SDHC: variants seen among roughly 807,000 people sequenced by gnomAD.
SDHC encodes the protein succinate dehydrogenase complex subunit C.
Under a neutral mutation model 22.6 loss-of-function variants are expected in SDHC, and 11 were observed. That is an observed-to-expected ratio of 0.49 (90% CI 0.31 to 0.81). The LOEUF (loss-of-function observed/expected upper bound fraction) is 0.81, where lower values mean the gene tolerates loss of function less well. SDHC is among the 30% of genes least tolerant of loss of function. SDHC has a pLI of 0.05. For missense variants in SDHC, 160 were observed against 212.0 expected (o/e 0.75, Z 1.52); for synonymous variants, 80 against 77.8 (o/e 1.03, Z -0.15).
At chr1:161,325,689 C>G (rs1304375908) in intron 2 of SDHC, among the ~76,000 whole-genome samples, 1 of 152,148 alleles carries the variant, frequency 6.6e-6, no homozygotes, top group Non-Finnish European at 1.5e-5. Context: ...AACCAAGAAA[C>G]TACTGAGGTA....
intron 4 of SDHC, among the ~76,000 whole-genome samples, chr1:161,347,596 G>A (rs1333787141): frequency 1.3e-5 from 2 of 151,464 alleles, no homozygotes; most frequent in Admixed American, 6.6e-5. Flanking sequence ...GGCCAGGCGC[G>A]GTGGCTCACA....
At chr1:161,320,235 G>A (rs1384901503) in intron 1 of SDHC, among the ~76,000 whole-genome samples, 1 of 152,054 alleles carries the variant, frequency 6.6e-6, no homozygotes, top group Non-Finnish European at 1.5e-5. Context: ...GGGGGGTGGT[G>A]AAAGAAAAGA....
chr1:161,346,271 G>A (rs1313894252), intron 4 of SDHC, among the ~76,000 whole-genome samples: 2 of 152,102 alleles, frequency 1.3e-5, no homozygotes, highest in Non-Finnish European at 2.9e-5. Flanking sequence ...ACTTAGAAGT[G>A]TTCATTTTTC....
rs760572684 is a variant in SDHC, at chr1:161,340,611, C to T, written c.197C>T (p.Ala66Val). 44 of 1,613,702 alleles carry T rather than the reference C, an allele frequency of 2.7e-5. No homozygotes were observed. The highest frequency in any genetic ancestry group is 1.6e-4 in the Middle Eastern group (1 of 6,084). ...ITIYSWSLPM[A>V]MSICHRGTGI... ...CTTTACAGTTGGTCTCTTCCCATGGCGATGTCCATCTGCCACCGTGGCACT... is the reference window on the plus strand; with the variant it reads ...CTTTACAGTTGGTCTCTTCCCATGGTGATGTCCATCTGCCACCGTGGCACT... Residue 66 changes from alanine (A) to valine (V), a missense_variant, in exon 4 of 6, where the codon GCG becomes GTG. Around this residue, in one of 2 missense-constraint regions of SDHC, gnomAD observed 74 missense variants for 128.6 expected, o/e 0.58. Transcript: ENST00000367975.
intron 1 of SDHC, among the ~76,000 whole-genome samples, chr1:161,315,739 G>C (rs957897103): frequency 1.1e-4 from 17 of 152,206 alleles, no homozygotes; most frequent in African/African-American, 3.9e-4. Context: ...CACACCTGTG[G>C]GTGTTTCTCG....
intron 2 of SDHC, 31 bp from the exon 3 acceptor site, chr1:161,328,365 G>C (rs1190827144): frequency 6.6e-7 from 1 of 1,510,748 alleles, no homozygotes; most frequent in Admixed American, 1.7e-5. Flanking sequence ...TTTACTTTTA[G>C]TTATTTTCAA....
At position 161,362,361 on chromosome 1, in the gene SDHC, C is replaced by G. The variant is rs1418513098; in HGVS notation, c.438C>G (p.Pro146=). 6.2e-7 allele frequency: 1 copy of G among 1,613,462 alleles called. No individual in the cohort carries two copies. Among genetic ancestry groups the G allele is most frequent in the Non-Finnish European group, 8.5e-7 (1 of 1,179,824 alleles). Residue 146 remains proline, a synonymous_variant, in exon 6 of 6, where the codon CCC becomes CCG. Coordinates refer to ENST00000367975, the MANE Select transcript of SDHC (RefSeq NM_003001.5). ...MWDLGKGLKI[P]QLYQSGVVVL... is the part of the protein sequence containing the mutation. The stretch of plus-strand genomic sequence containing the variant: ...ACCTAGGAAAAGGCCTGAAGATTCC[C>G]CAGCTATACCAGTCTGGAGTGGTTG...
At chr1:161,331,916 G>T (rs1005443130) in intron 3 of SDHC, among the ~76,000 whole-genome samples, 1 of 152,078 alleles carries the variant, frequency 6.6e-6, no homozygotes, top group African/African-American at 2.4e-5. Context: ...CTTAATTTTA[G>T]TATTTTTGCT....
rs546703655 is a variant in SDHC at position 161,341,434 on chromosome 1, A to G, written c.241+779A>G. On this transcript the variant is annotated intron_variant, in intron 4 of 5. Transcript: ENST00000367975. ...AATATGAACTGCAGCTACAGAGTGA[A>G]TTATATACTGGTCTTAGATAATTAG... 1.2e-4 allele frequency among the ~76,000 whole-genome samples: 18 copies of G among 152,332 alleles called. No homozygotes were observed. The South Asian group carries it at 3.7e-3, about 32-fold the overall frequency.
chr1:161,326,769 G>A (rs1671071186), intron 2 of SDHC: 1 of 151,732 alleles, frequency 6.6e-6, no homozygotes, highest in South Asian at 2.1e-4. Flanking sequence ...GGAATTACAG[G>A]TGTGCACCAC....
intron 3 of SDHC, among the ~76,000 whole-genome samples, chr1:161,334,835 C>T (rs1242231189): frequency 6.6e-6 from 1 of 152,140 alleles, no homozygotes; most frequent in East Asian, 1.9e-4. Flanking sequence ...AGAACATGAA[C>T]ATCTTTAAGG....
chr1:161,323,774 C>T, intron 2 of SDHC, 104 bp downstream of exon 2: 1 of 781,992 alleles, frequency 1.3e-6, no homozygotes, highest in South Asian at 1.6e-5. Context: ...CGGCTCACTG[C>T]AAGCGCCGCC....
intron 1 of SDHC, among the ~76,000 whole-genome samples, chr1:161,321,133 A>AT (rs1670821953): frequency 6.6e-6 from 1 of 152,058 alleles, no homozygotes; most frequent in South Asian, 2.1e-4. Flanking sequence ...CCCAGTCTTG[A>AT]TTTTTTACTT....
At chr1:161,350,683 T>C (rs1672073335) in intron 4 of SDHC, among the ~76,000 whole-genome samples, 1 of 152,250 alleles carries the variant, frequency 6.6e-6, no homozygotes, top group Non-Finnish European at 1.5e-5. Flanking sequence ...GGTAGTATTA[T>C]ATTCTTTCTC....
At chr1:161,338,333 A>G (rs74127639) in intron 3 of SDHC, among the ~76,000 whole-genome samples, 17,791 of 152,162 alleles carry the variant, frequency 0.12, 1,400 homozygotes, top group African/African-American at 0.22. Flanking sequence ...TTCATTATGT[A>G]GGCAGAATTT....
At chr1:161,324,840 G>A (rs1373435771) in intron 2 of SDHC, among the ~76,000 whole-genome samples, 1 of 152,084 alleles carries the variant, frequency 6.6e-6, no homozygotes, top group African/African-American at 2.4e-5. Flanking sequence ...ATTTAACATT[G>A]ATGAACTCTT....
At chr1:161,325,596 C>G (rs1456391488) in intron 2 of SDHC, among the ~76,000 whole-genome samples, 1 of 152,048 alleles carries the variant, frequency 6.6e-6, no homozygotes, top group Non-Finnish European at 1.5e-5. Context: ...AGAAGGATCA[C>G]CTGGATGGGG....
chr1:161,330,418 A>T (rs1671230644), intron 3 of SDHC, among the ~76,000 whole-genome samples: 1 of 152,238 alleles, frequency 6.6e-6, no homozygotes, highest in South Asian at 2.1e-4. Context: ...AATGGAAGGA[A>T]AAAAGGAGTC....
At chr1:161,339,529 G>A in intron 3 of SDHC, 1 of 1,221,910 alleles carries the variant, frequency 8.2e-7, no homozygotes, top group South Asian at 1.3e-5. Context: ...TGCGAAAGGA[G>A]TTTTGAGTTA....
Sources: gnomAD v4.1 joint callset for allele counts (sites outside exome capture counted in the v4.1 genomes callset) on GRCh38, gnomAD v4.1.1 for gene constraint, gnomAD v4.1.1 regional missense constraint, MANE v1.5 for transcripts, NCBI Gene and HGNC (gene_info 2026-07-23, HGNC 2026-07-21) for gene names.